The following CNN3 variants were observed in gnomAD, a reference collection of about 807,000 sequenced individuals.
The protein encoded by CNN3 is calponin 3, also known as calponin-3.
Under a neutral mutation model 39.0 loss-of-function variants are expected in CNN3, and 11 were observed. That is an observed-to-expected ratio of 0.28 (90% CI 0.18 to 0.47). The LOEUF is 0.47. CNN3 is among the 20% of genes least tolerant of loss of function. CNN3 has a pLI of 0.99. For missense variants in CNN3, 266 were observed against 403.4 expected (o/e 0.66, Z 2.92); for synonymous variants, 101 against 138.3 (o/e 0.73, Z 1.89).
rs887297631 is a variant in CNN3, at chr1:94,923,529, C to T, written c.57+3309G>A. Among the ~76,000 whole-genome samples, 5 of 151,098 alleles carry T rather than the reference C, an allele frequency of 3.3e-5. No individual in the cohort carries two copies. The East Asian group carries it at 9.7e-4, about 29-fold the overall frequency. The stretch of plus-strand genomic sequence containing the variant: ...TTTTTTTTTTAAGGCTGTTTTCACA[C>T]ATCTTCTTGCCTATTAAAAAAAGTA... On this transcript the variant is annotated intron_variant, in intron 1 of 6. Coordinates refer to ENST00000370206, the MANE Select transcript of CNN3 (RefSeq NM_001839.5).
chr1:94,908,642 G>A (rs1671077909), intron 1 of CNN3, among the ~76,000 whole-genome samples: 1 of 152,182 alleles, frequency 6.6e-6, no homozygotes, highest in African/African-American at 2.4e-5. Flanking sequence ...CCGGGTTCAA[G>A]CGATTCTCCT....
At position 94,902,265 on chromosome 1, in the gene CNN3, A is replaced by G; in HGVS notation, c.247-7T>C. Reference sequence around the variant, plus strand: ...AGTTGCCAATATTCTCCAACTATAAAGAAGAAGAGTTTTATAATTTCTGGA... The same window carrying G: ...AGTTGCCAATATTCTCCAACTATAAGGAAGAAGAGTTTTATAATTTCTGGA... On this transcript the variant is annotated splice_polypyrimidine_tract_variant and splice_region_variant and intron_variant, in intron 3 of 6. Transcript: ENST00000370206. 6.2e-7 allele frequency: 1 copy of G among 1,605,006 alleles called. No individual in the cohort carries two copies.
intron 5 of CNN3, among the ~76,000 whole-genome samples, chr1:94,901,171 T>A (rs1670853112): frequency 6.6e-6 from 1 of 151,966 alleles, no homozygotes; most frequent in Non-Finnish European, 1.5e-5. Flanking sequence ...CTGGCCAACA[T>A]GGTGAAATCC....
chr1:94,924,654 C>T (rs189630036), intron 1 of CNN3, among the ~76,000 whole-genome samples: 2 of 152,248 alleles, frequency 1.3e-5, no homozygotes, highest in East Asian at 1.9e-4. Flanking sequence ...GGGGGGAAGG[C>T]GACAGACAGC....
intron 1 of CNN3, among the ~76,000 whole-genome samples, chr1:94,916,218 AACAC>A (rs1183696253): frequency 6.6e-6 from 1 of 152,186 alleles, no homozygotes; most frequent in Non-Finnish European, 1.5e-5. Flanking sequence ...CAGCCTGGGC[AACAC>A]GGTAAAACCC....
intron 1 of CNN3, among the ~76,000 whole-genome samples, chr1:94,910,239 C>T (rs1671123572): frequency 6.6e-6 from 1 of 152,192 alleles, no homozygotes; most frequent in African/African-American, 2.4e-5. Context: ...TCTTCTTTCT[C>T]CATTAATCCT....
At chr1:94,914,904 A>T (rs1410837141) in intron 1 of CNN3, among the ~76,000 whole-genome samples, 1 of 151,384 alleles carries the variant, frequency 6.6e-6, no homozygotes, top group African/African-American at 2.4e-5. Context: ...TTTTTTTTTC[A>T]AGACAGTCTT....
intron 1 of CNN3, among the ~76,000 whole-genome samples, chr1:94,923,464 T>C (rs1671498942): frequency 6.6e-6 from 1 of 151,980 alleles, no homozygotes; most frequent in African/African-American, 2.4e-5. Flanking sequence ...TAAAGAAACT[T>C]TGTTCATATT....
chr1:94,914,229 T>C (rs1445915379), intron 1 of CNN3, among the ~76,000 whole-genome samples: 1 of 152,120 alleles, frequency 6.6e-6, no homozygotes, highest in Non-Finnish European at 1.5e-5. Flanking sequence ...TGAAGAACTG[T>C]CATTTATCTT....
intron 1 of CNN3, 100 bp from the exon 2 acceptor site, chr1:94,903,624 C>T: frequency 1.3e-6 from 2 of 1,493,030 alleles, no homozygotes; most frequent in Non-Finnish European, 1.8e-6. Flanking sequence ...AAGACCACAG[C>T]TGTGAAGTGT....
At position 94,926,806 on chromosome 1, in the gene CNN3, G is replaced by A. The variant is rs1354583407; in HGVS notation, c.57+32C>T. 1 of 1,603,416 alleles carries A rather than the reference G, an allele frequency of 6.2e-7. No individual in the cohort carries two copies. Among genetic ancestry groups the A allele is most frequent in the Admixed American group, 1.7e-5 (1 of 58,726 alleles). On this transcript the variant is annotated intron_variant, in intron 1 of 6. Coordinates refer to ENST00000370206, the MANE Select transcript of CNN3 (RefSeq NM_001839.5). This position sits in a 1 kb window ranked among gnomAD's most constrained non-coding sequence, Gnocchi z 4.2. ...GCCAGGCCAGCCCAAGGGTGCCCCGGGGGCCCCCGCGCCCGCCCGAGCCAG... is the reference window on the plus strand; with the variant it reads ...GCCAGGCCAGCCCAAGGGTGCCCCGAGGGCCCCCGCGCCCGCCCGAGCCAG...
chr1:94,917,385 G>T (rs894439939), intron 1 of CNN3, among the ~76,000 whole-genome samples: 2 of 152,106 alleles, frequency 1.3e-5, no homozygotes, highest in Admixed American at 1.3e-4. Context: ...TGGAAAAAAC[G>T]CCCTCATCCC....
At chr1:94,912,337 T>C (rs1671185796) in intron 1 of CNN3, among the ~76,000 whole-genome samples, 1 of 152,112 alleles carries the variant, frequency 6.6e-6, no homozygotes, top group South Asian at 2.1e-4. Context: ...AAAAAGTGGG[T>C]ATCAAGCAGC....
At chr1:94,916,200 C>A (rs74913212) in intron 1 of CNN3, among the ~76,000 whole-genome samples, 1 of 152,170 alleles carries the variant, frequency 6.6e-6, no homozygotes, top group Non-Finnish European at 1.5e-5. Context: ...CTCAAAAGGT[C>A]ACCAGTGCAG....
rs1001060285 is a variant in CNN3 at position 94,915,144 on chromosome 1, T to C, written c.58-11620A>G. Among the ~76,000 whole-genome samples the C allele has an allele frequency of 3.9e-5, 6 of 152,330 alleles. No individual in the cohort carries two copies. In the South Asian group the frequency reaches 1.0e-3, roughly 26 times the overall value. On this transcript the variant is annotated intron_variant, in intron 1 of 6. Transcript: ENST00000370206. The stretch of plus-strand genomic sequence containing the variant: ...AATATTCATACTGTGCCTTATGAAA[T>C]ACCATACAAAGGTATTTTGTACTTT...
At chr1:94,919,628 G>C (rs1671387650) in intron 1 of CNN3, among the ~76,000 whole-genome samples, 1 of 152,170 alleles carries the variant, frequency 6.6e-6, no homozygotes, top group African/African-American at 2.4e-5. Context: ...TTTGGGAGTG[G>C]AGGCGGGAAG....
At chr1:94,922,482 C>T (rs985242657) in intron 1 of CNN3, among the ~76,000 whole-genome samples, 2 of 152,002 alleles carry the variant, frequency 1.3e-5, no homozygotes, top group African/African-American at 2.4e-5. Context: ...GACACACCCG[C>T]GAATAAGAGA....
chr1:94,899,638 A>C (rs1670814101), intron 5 of CNN3, 121 bp from the exon 6 acceptor site: 1 of 993,194 alleles, frequency 1.0e-6, no homozygotes, highest in African/African-American at 1.7e-5. Flanking sequence ...TACTGAGCTG[A>C]GGCTCCAGTC....
chr1:94,900,784 TACGTATTTCAGAAGAATTTAA>T (rs1557907485), intron 5 of CNN3, among the ~76,000 whole-genome samples: 1 of 152,334 alleles, frequency 6.6e-6, no homozygotes, highest in East Asian at 1.9e-4. Flanking sequence ...ACATCTGAAC[TACGTATTTCAGAAGAATTTAA>T]ACTGACAAAT....
Sources: allele counts gnomAD v4.1 joint callset (sites outside exome capture counted in the v4.1 genomes callset), GRCh38; gene constraint gnomAD v4.1.1; non-coding constraint Gnocchi (gnomAD v3.1); transcripts MANE v1.5; gene names NCBI Gene and HGNC (gene_info 2026-07-23, HGNC 2026-07-21).